Variants in NAALADL2 observed in about 807,000 individuals in gnomAD.
The protein encoded by NAALADL2 is inactive N-acetylated-alpha-linked acidic dipeptidase-like protein 2.
In NAALADL2, 76 loss-of-function variants were observed where a neutral mutation model predicts 87.2. The observed-to-expected ratio is 0.87, with a 90% CI of 0.72 to 1.05. The LOEUF is 1.05. Ranked by LOEUF, NAALADL2 falls within the 50% of genes least tolerant of loss-of-function variation. The probability of loss-of-function intolerance (pLI) is 0.00; values close to 1 mark genes in which losing one functional copy is unlikely to be tolerated. For synonymous variants in NAALADL2, 354 were observed against 331.0 expected, an observed-to-expected ratio of 1.07 and a Z score of -0.75; for missense variants, 1,089 against 945.8, an observed-to-expected ratio of 1.15 and a Z score of -1.99.
chr3:174,810,633 T>A (rs1360959343), intron 3 of NAALADL2, among the ~76,000 whole-genome samples: 5 of 151,198 alleles, frequency 3.3e-5, no homozygotes, highest in Admixed American at 3.3e-4. Context: ...CTAGAATTTA[T>A]ATTTAAAAGG....
At chr3:175,304,181 T>C (rs1757423379) in intron 4 of NAALADL2, among the ~76,000 whole-genome samples, 1 of 152,122 alleles carries the variant, frequency 6.6e-6, no homozygotes, top group South Asian at 2.1e-4. Context: ...GGAAGAGAAA[T>C]ACCACTCCAT....
At chr3:174,897,406 TAAA>T (rs796494534) in intron 1 of NAALADL2, among the ~76,000 whole-genome samples, 1 of 139,938 alleles carries the variant, frequency 7.1e-6, no homozygotes. Context: ...GGCAAACTGG[TAAA>T]AAAAAAAAAA....
At chr3:175,567,415 C>T (rs1717343184) in intron 9 of NAALADL2, among the ~76,000 whole-genome samples, 1 of 151,620 alleles carries the variant, frequency 6.6e-6, no homozygotes, top group Non-Finnish European at 1.5e-5. Context: ...TTAAAGCACT[C>T]ATTAGTACAT....
At chr3:174,918,803 G>A (rs1292068349) in intron 1 of NAALADL2, among the ~76,000 whole-genome samples, 2 of 152,130 alleles carry the variant, frequency 1.3e-5, no homozygotes, top group Non-Finnish European at 2.9e-5. Context: ...CACTTGATGA[G>A]AGTAACCATG....
At chr3:174,990,386 C>A (rs185248409) in intron 1 of NAALADL2, among the ~76,000 whole-genome samples, 23 of 152,088 alleles carry the variant, frequency 1.5e-4, no homozygotes, top group African/African-American at 5.1e-4. Flanking sequence ...CAATCCTGAG[C>A]CGAAAAAATG....
intron 1 of NAALADL2, among the ~76,000 whole-genome samples, chr3:174,533,033 G>C (rs937647147): frequency 6.6e-6 from 1 of 151,004 alleles, no homozygotes; most frequent in African/African-American, 2.4e-5. Context: ...TTGGAAAGAG[G>C]ACTAACTTTC....
chr3:174,698,074 A>G (rs1221043668), intron 2 of NAALADL2, among the ~76,000 whole-genome samples: 2 of 152,176 alleles, frequency 1.3e-5, no homozygotes, highest in Admixed American at 6.5e-5. Context: ...CTGGTGACAG[A>G]GCAAGACTCC....
chr3:175,221,898 C>G (rs1743434703), intron 2 of NAALADL2, among the ~76,000 whole-genome samples: 1 of 151,928 alleles, frequency 6.6e-6, no homozygotes, highest in African/African-American at 2.4e-5. Flanking sequence ...CCTCAGCCTC[C>G]CAAGTAGCTG....
chr3:175,191,889 C>G (rs1738262488), intron 2 of NAALADL2, among the ~76,000 whole-genome samples: 1 of 151,948 alleles, frequency 6.6e-6, no homozygotes, highest in Admixed American at 6.6e-5. Flanking sequence ...AAGAGTATCC[C>G]CATGGAAAGC....
chr3:175,721,558 G>A (rs1270444799), intron 11 of NAALADL2, among the ~76,000 whole-genome samples: 1 of 152,040 alleles, frequency 6.6e-6, no homozygotes, highest in African/African-American at 2.4e-5. Flanking sequence ...TCTAATTAGA[G>A]GATGAGCTCA....
At chr3:174,736,938 G>T (rs554963637) in intron 2 of NAALADL2, among the ~76,000 whole-genome samples, 76 of 152,292 alleles carry the variant, frequency 5.0e-4, no homozygotes, top group Middle Eastern at 3.4e-3. Flanking sequence ...CAGGGTGATT[G>T]TGTGTCAGTG....
At chr3:175,209,523 A>G (rs1199542393) in intron 2 of NAALADL2, among the ~76,000 whole-genome samples, 1 of 152,080 alleles carries the variant, frequency 6.6e-6, no homozygotes. Context: ...GAGGAATAAC[A>G]GTGCTTTAGT....
chr3:175,712,273 G>A (rs182994218), intron 11 of NAALADL2, among the ~76,000 whole-genome samples: 5 of 151,994 alleles, frequency 3.3e-5, no homozygotes, highest in Non-Finnish European at 7.4e-5. Flanking sequence ...AGATTAATAA[G>A]TTACATTTAT....
At chr3:175,455,602 A>G (rs371345311) in intron 6 of NAALADL2, among the ~76,000 whole-genome samples, 13 of 152,270 alleles carry the variant, frequency 8.5e-5, no homozygotes, top group African/African-American at 3.1e-4. Flanking sequence ...ATGCAAGCTC[A>G]CATGAATACT....
intron 1 of NAALADL2, among the ~76,000 whole-genome samples, chr3:174,887,782 C>G (rs917132132): frequency 6.7e-6 from 1 of 150,358 alleles, no homozygotes; most frequent in African/African-American, 2.5e-5. Flanking sequence ...GGCAACAGAG[C>G]GATACCCTGT....
intron 11 of NAALADL2, among the ~76,000 whole-genome samples, chr3:175,710,598 A>ATG (rs938761718): frequency 7.9e-6 from 1 of 127,370 alleles, no homozygotes; most frequent in Non-Finnish European, 1.5e-5. Context: ...ATATATATAT[A>ATG]CACATATATA....
At chr3:175,441,481 G>C (rs928682562) in intron 5 of NAALADL2, among the ~76,000 whole-genome samples, 5 of 152,140 alleles carry the variant, frequency 3.3e-5, no homozygotes, top group African/African-American at 1.2e-4. Context: ...CGCCAGTGCT[G>C]ATCTAATGTG....
chr3:175,740,546 C>A (rs1445779926), intron 12 of NAALADL2, among the ~76,000 whole-genome samples: 1 of 152,180 alleles, frequency 6.6e-6, no homozygotes, highest in Non-Finnish European at 1.5e-5. Context: ...CAGACCCAGA[C>A]TTGGGAGTGT....
At chr3:175,288,234 A>C (rs1435686654) in intron 4 of NAALADL2, among the ~76,000 whole-genome samples, 2 of 152,306 alleles carry the variant, frequency 1.3e-5, no homozygotes, top group East Asian at 3.9e-4. Context: ...AAAGTAGTCA[A>C]GCAGGAAGAA....
Sources: allele counts gnomAD v4.1 joint callset (sites outside exome capture counted in the v4.1 genomes callset), GRCh38; gene constraint gnomAD v4.1.1; transcripts MANE v1.5; gene names NCBI Gene and HGNC (gene_info 2026-07-23, HGNC 2026-07-21).